Variants in CTNNA3 observed in about 807,000 individuals in gnomAD.
CTNNA3 encodes the protein catenin alpha-3.
Under a neutral mutation model 95.7 loss-of-function variants are expected in CTNNA3, and 76 were observed. The observed-to-expected ratio is 0.79, with a 90% CI of 0.66 to 0.96. The LOEUF (loss-of-function observed/expected upper bound fraction) is 0.96. Among genes scored for constraint, CTNNA3 ranks in the 40% least tolerant of loss-of-function variants. The probability of loss-of-function intolerance (pLI) is 0.00; values close to 1 mark genes in which losing one functional copy is unlikely to be tolerated. For synonymous variants in CTNNA3, 431 were observed against 374.4 expected (o/e 1.15, Z -1.74); for missense variants, 1,191 against 1,089.8 (o/e 1.09, Z -1.31).
intron 13 of CTNNA3, among the ~76,000 whole-genome samples, chr10:66,153,936 T>C (rs2084342679): frequency 1.3e-5 from 2 of 151,716 alleles, no homozygotes; most frequent in African/African-American, 4.8e-5. Flanking sequence ...TTGTGATCTG[T>C]TGGCGGGCTG....
At chr10:67,590,990 A>G (rs756504419) in intron 3 of CTNNA3, among the ~76,000 whole-genome samples, 1 of 152,122 alleles carries the variant, frequency 6.6e-6, no homozygotes, top group Non-Finnish European at 1.5e-5. Flanking sequence ...AAGCGTAAAA[A>G]AAAACTCTTA....
intron 15 of CTNNA3, among the ~76,000 whole-genome samples, chr10:66,019,318 A>C (rs890673049): frequency 6.6e-6 from 1 of 152,212 alleles, no homozygotes; most frequent in African/African-American, 2.4e-5. Flanking sequence ...TTTACATAGA[A>C]GATTCAATGG....
intron 2 of CTNNA3, among the ~76,000 whole-genome samples, chr10:67,617,330 C>G (rs1020088362): frequency 1.3e-5 from 2 of 152,114 alleles, no homozygotes; most frequent in Admixed American, 6.5e-5. Flanking sequence ...TTAGCTTCTA[C>G]TTATAAGTGA....
chr10:67,014,009 TA>T (rs1156513172), intron 7 of CTNNA3, among the ~76,000 whole-genome samples: 1 of 152,092 alleles, frequency 6.6e-6, no homozygotes, highest in Non-Finnish European at 1.5e-5. Context: ...AATTTGTCTC[TA>T]AAAACAAGTG....
chr10:67,237,320 G>C (rs1347186123), intron 5 of CTNNA3, among the ~76,000 whole-genome samples: 1 of 151,276 alleles, frequency 6.6e-6, no homozygotes, highest in African/African-American at 2.4e-5. Flanking sequence ...TGATATGTGG[G>C]AGCTAAGCTA....
At chr10:67,285,461 T>G (rs1175590349) in intron 5 of CTNNA3, among the ~76,000 whole-genome samples, 1 of 152,178 alleles carries the variant, frequency 6.6e-6, no homozygotes, top group Non-Finnish European at 1.5e-5. Context: ...GACACTACCC[T>G]TCACAAAATA....
chr10:66,197,778 G>A (rs1468098600), intron 13 of CTNNA3, among the ~76,000 whole-genome samples: 1 of 152,134 alleles, frequency 6.6e-6, no homozygotes, highest in Non-Finnish European at 1.5e-5. Flanking sequence ...AAGGCCAGCT[G>A]TTTTATGGTG....
At chr10:66,878,229 G>A (rs912342629) in intron 7 of CTNNA3, among the ~76,000 whole-genome samples, 6 of 151,912 alleles carry the variant, frequency 3.9e-5, no homozygotes, top group Non-Finnish European at 7.4e-5. Context: ...TTTTTTGTCC[G>A]TTAAAACTCA....
intron 10 of CTNNA3, among the ~76,000 whole-genome samples, chr10:66,605,765 A>G (rs1403066677): frequency 6.6e-6 from 1 of 152,172 alleles, no homozygotes; most frequent in East Asian, 1.9e-4. Context: ...TACTGATGGA[A>G]TGTGTTGCCA....
intron 5 of CTNNA3, among the ~76,000 whole-genome samples, chr10:67,229,525 G>A (rs547589689): frequency 4.6e-5 from 7 of 152,108 alleles, no homozygotes; most frequent in Non-Finnish European, 8.8e-5. Context: ...AGGAAGTCAA[G>A]CTGTCACTAT....
intron 1 of CTNNA3, among the ~76,000 whole-genome samples, chr10:67,692,979 C>T (rs1365656974): frequency 6.6e-6 from 1 of 152,132 alleles, no homozygotes; most frequent in Non-Finnish European, 1.5e-5. Context: ...TGCCAGGAGG[C>T]ATCTGAAGCA....
chr10:66,279,046 G>A (rs560166372), intron 13 of CTNNA3, among the ~76,000 whole-genome samples: 2 of 152,098 alleles, frequency 1.3e-5, no homozygotes, highest in South Asian at 2.1e-4. Context: ...TTATCCTGAG[G>A]TTTCTCTTTG....
intron 10 of CTNNA3, among the ~76,000 whole-genome samples, chr10:66,617,424 G>T (rs1844560964): frequency 6.6e-6 from 1 of 152,102 alleles, no homozygotes; most frequent in Non-Finnish European, 1.5e-5. Flanking sequence ...ATCAATAAAT[G>T]TAATCCAGCA....
At chr10:66,288,065 G>A (rs1456270049) in intron 12 of CTNNA3, among the ~76,000 whole-genome samples, 2 of 152,080 alleles carry the variant, frequency 1.3e-5, no homozygotes, top group African/African-American at 2.4e-5. Flanking sequence ...CTGAACTGAA[G>A]ATGTTGGCTT....
intron 1 of CTNNA3, among the ~76,000 whole-genome samples, chr10:67,658,349 A>T (rs1051272333): frequency 2.0e-5 from 3 of 152,204 alleles, no homozygotes; most frequent in Non-Finnish European, 4.4e-5. Context: ...GGCTCAACAA[A>T]CATTAGTTGA....
intron 7 of CTNNA3, among the ~76,000 whole-genome samples, chr10:66,862,616 G>C (rs980180113): frequency 2.0e-5 from 3 of 152,074 alleles, no homozygotes; most frequent in African/African-American, 7.2e-5. Flanking sequence ...AGTGTGCTGG[G>C]AAAAAATGAG....
intron 10 of CTNNA3, among the ~76,000 whole-genome samples, chr10:66,561,369 C>T (rs892849684): frequency 6.6e-6 from 1 of 151,970 alleles, no homozygotes; most frequent in African/African-American, 2.4e-5. Flanking sequence ...AAATGTTTAC[C>T]GTGTGCCAGA....
intron 1 of CTNNA3, among the ~76,000 whole-genome samples, chr10:67,665,067 A>G (rs1840297407): frequency 6.6e-6 from 1 of 152,206 alleles, no homozygotes; most frequent in South Asian, 2.1e-4. Context: ...CAGTTACTCA[A>G]TCATTATAGT....
chr10:66,000,520 A>C (rs1427060809), intron 15 of CTNNA3, among the ~76,000 whole-genome samples: 1 of 152,150 alleles, frequency 6.6e-6, no homozygotes, highest in Non-Finnish European at 1.5e-5. Flanking sequence ...TAATTATATT[A>C]TTTATATTTT....
Sources: allele counts gnomAD v4.1 joint callset (sites outside exome capture counted in the v4.1 genomes callset), GRCh38; gene constraint gnomAD v4.1.1; transcripts MANE v1.5; gene names NCBI Gene and HGNC (gene_info 2026-07-23, HGNC 2026-07-21).